UNC13C: variants seen among roughly 807,000 people sequenced by gnomAD.
The protein encoded by UNC13C is unc-13 homolog C.
UNC13C carries 174 observed loss-of-function variants against 245.4 expected under a neutral mutation model. That is an observed-to-expected ratio of 0.71 (90% CI 0.63 to 0.80). The LOEUF is 0.80. UNC13C is among the 30% of genes least tolerant of loss of function. UNC13C has a pLI of 0.00. For missense variants in UNC13C, 2,829 were observed against 2,602.9 expected, an observed-to-expected ratio of 1.09 and a Z score of -1.89; for synonymous variants, 992 against 895.1, an observed-to-expected ratio of 1.11 and a Z score of -1.93.
chr15:54,180,224 C>G (rs1176235917), intron 4 of UNC13C, among the ~76,000 whole-genome samples: 1 of 151,968 alleles, frequency 6.6e-6, no homozygotes. Flanking sequence ...ACCCAATGTT[C>G]AGTTCCCATT....
intron 4 of UNC13C, among the ~76,000 whole-genome samples, chr15:54,225,650 G>A (rs976222540): frequency 1.3e-5 from 2 of 152,244 alleles, no homozygotes; most frequent in East Asian, 1.9e-4. Flanking sequence ...ATTTTTGCAC[G>A]CTGATTTTGC....
chr15:54,441,373 G>A (rs1021792640), intron 19 of UNC13C, among the ~76,000 whole-genome samples: 8 of 151,924 alleles, frequency 5.3e-5, no homozygotes, highest in South Asian at 2.1e-4. Context: ...GTCCAGTTTC[G>A]TTCTTCTACA....
At chr15:54,546,941 T>A in intron 27 of UNC13C, 96 bp downstream of exon 27, 1 of 1,157,208 alleles carries the variant, frequency 8.6e-7, no homozygotes, top group Non-Finnish European at 1.2e-6. Context: ...TTAAATCCCT[T>A]TGGGGAAAAA....
chr15:54,421,698 A>C, intron 19 of UNC13C, among the ~76,000 whole-genome samples: 2 of 152,162 alleles, frequency 1.3e-5, no homozygotes, highest in Admixed American at 1.3e-4. Context: ...GATTCTTTAT[A>C]GACATCTCAT....
chr15:54,227,710 C>T (rs529532128), intron 4 of UNC13C, among the ~76,000 whole-genome samples: 1 of 152,164 alleles, frequency 6.6e-6, no homozygotes, highest in South Asian at 2.1e-4. Context: ...TTCCCGGGCC[C>T]CCAAGAGCTC....
chr15:54,264,288 A>G lies in UNC13C; in HGVS notation c.3569A>G (p.Gln1190Arg), dbSNP rs2036499468. 6.2e-7 allele frequency: 1 copy of G among 1,601,434 alleles called. No homozygotes were observed. Among genetic ancestry groups the G allele is most frequent in the African/African-American group, 1.3e-5 (1 of 74,836 alleles). ...KNRPEVFEVI[Q>R]EMFQISKEDF... The stretch of plus-strand genomic sequence containing the variant: ...CGGCCAGAAGTATTTGAAGTAATCC[A>G]GGAAATGTTTCAGATTTCTAAAGAA... Residue 1190 changes from glutamine (Q) to arginine (R), a missense_variant, in exon 9 of 33, where the codon CAG becomes CGG. Coordinates refer to ENST00000260323, the MANE Select transcript of UNC13C (RefSeq NM_001080534.3).
At chr15:54,427,392 C>T (rs1349781478) in intron 19 of UNC13C, among the ~76,000 whole-genome samples, 3 of 151,788 alleles carry the variant, frequency 2.0e-5, no homozygotes, top group South Asian at 4.1e-4. Context: ...TCTCTTCCCA[C>T]CATGATTCTG....
intron 1 of UNC13C, among the ~76,000 whole-genome samples, chr15:53,993,024 C>G (rs1035876216): frequency 6.6e-6 from 1 of 152,100 alleles, no homozygotes; most frequent in East Asian, 1.9e-4. Flanking sequence ...CACGGACTAT[C>G]CATTTTCTAC....
At chr15:54,331,074 G>C (rs1206100642) in intron 14 of UNC13C, among the ~76,000 whole-genome samples, 1 of 152,004 alleles carries the variant, frequency 6.6e-6, no homozygotes, top group South Asian at 2.1e-4. Context: ...AGGCATAAGA[G>C]TTATATACCC....
intron 2 of UNC13C, among the ~76,000 whole-genome samples, chr15:54,076,925 T>C (rs1161010779): frequency 6.6e-6 from 1 of 152,250 alleles, no homozygotes; most frequent in African/African-American, 2.4e-5. Flanking sequence ...CTCTTTGTAA[T>C]AGTGGTCTTT....
intron 19 of UNC13C, among the ~76,000 whole-genome samples, chr15:54,455,723 A>G (rs1891484668): frequency 6.6e-6 from 1 of 151,548 alleles, no homozygotes. Context: ...TATTATGATT[A>G]TTATTTTGCT....
intron 4 of UNC13C, among the ~76,000 whole-genome samples, chr15:54,155,886 A>G (rs2032723255): frequency 6.6e-6 from 1 of 152,248 alleles, no homozygotes; most frequent in Non-Finnish European, 1.5e-5. Flanking sequence ...CATGAGTTGC[A>G]TCATAGGCAA....
At position 54,500,827 on chromosome 15, in the gene UNC13C, C is replaced by G. The variant is rs1484496658; in HGVS notation, c.5158-8C>G. On this transcript the variant is annotated splice_polypyrimidine_tract_variant and splice_region_variant and intron_variant, in intron 21 of 32. Coordinates refer to ENST00000260323, the MANE Select transcript of UNC13C (RefSeq NM_001080534.3). ...TGTTTGGGATGGTTTCACCTCCTCTCCCCACAGTTCCAGCAGACATCTGAG... is the reference window on the plus strand; with the variant it reads ...TGTTTGGGATGGTTTCACCTCCTCTGCCCACAGTTCCAGCAGACATCTGAG... The G allele has an allele frequency of 2.3e-5, 37 of 1,611,936 alleles. No individual in the cohort carries two copies. Among genetic ancestry groups the G allele is most frequent in the Non-Finnish European group, 2.8e-5 (33 of 1,178,810 alleles).
chr15:54,299,101 T>C (rs1322702475), intron 12 of UNC13C, among the ~76,000 whole-genome samples: 1 of 151,942 alleles, frequency 6.6e-6, no homozygotes, highest in African/African-American at 2.4e-5. Context: ...TAAAAAGAAA[T>C]CCCTTGAACT....
intron 4 of UNC13C, among the ~76,000 whole-genome samples, chr15:54,184,033 G>A (rs983583232): frequency 5.9e-5 from 9 of 151,996 alleles, no homozygotes; most frequent in African/African-American, 2.2e-4. Flanking sequence ...TGAAATGGAT[G>A]ATTTAATTTG....
intron 17 of UNC13C, among the ~76,000 whole-genome samples, chr15:54,376,535 C>A (rs778282009): frequency 2.4e-4 from 36 of 152,218 alleles, no homozygotes; most frequent in Non-Finnish European, 4.9e-4. Flanking sequence ...ACATGAAAGT[C>A]TAAAAATCAG....
chr15:53,938,747 G>T, the UNC13C span, among the ~76,000 whole-genome samples: 1 of 152,184 alleles, frequency 6.6e-6, no homozygotes, highest in Admixed American at 6.6e-5. Context: ...ATCTGCTCCT[G>T]AAGGACTCCT....
Position 54,034,147 on chromosome 15 carries a change from C to T in UNC13C, c.2983+18261C>T, listed in dbSNP as rs574527526. On this transcript the variant is annotated intron_variant, in intron 2 of 32. Transcript: ENST00000260323. ...TCACCCAGCCTTCTTTGCCAGCAGG[C>T]TTGTGGTCAAGTTTGCAGGTCAAAT... is the stretch of plus-strand genomic sequence containing the variant. Among the ~76,000 whole-genome samples the T allele has an allele frequency of 3.9e-5, 6 of 152,310 alleles. No individual in the cohort carries two copies. The East Asian group carries it at 1.2e-3, about 29-fold the overall frequency.
At chr15:54,273,327 A>T (rs987084084) in intron 10 of UNC13C, among the ~76,000 whole-genome samples, 1 of 152,070 alleles carries the variant, frequency 6.6e-6, no homozygotes. Flanking sequence ...ATTTGCACAC[A>T]CACTCCTTTC....
Sources: gnomAD v4.1 joint callset for allele counts (sites outside exome capture counted in the v4.1 genomes callset) on GRCh38, gnomAD v4.1.1 for gene constraint, MANE v1.5 for transcripts, NCBI Gene and HGNC (gene_info 2026-07-23, HGNC 2026-07-21) for gene names.